Variants in RORA observed in about 807,000 individuals in gnomAD.
The protein encoded by RORA is nuclear receptor ROR-alpha.
A neutral mutation model predicts 69.5 loss-of-function variants in RORA; 7 were observed. That is an observed-to-expected ratio of 0.10 (90% CI 0.06 to 0.19). The LOEUF is 0.19. Ranked by LOEUF, RORA falls within the 10% of genes least tolerant of loss-of-function variation. The pLI, the probability that RORA is intolerant of heterozygous loss-of-function variation, is 1.00. For synonymous variants in RORA, 261 were observed against 240.8 expected (o/e 1.08, Z -0.78); for missense variants, 457 against 663.0 (o/e 0.69, Z 3.41).
chr15:60,905,967 G>C lies in RORA; in HGVS notation c.167-227281C>G, dbSNP rs1891524583. ...GAAAGCATTTATAAATATTTCAGAG[G>C]TGTTTCATAAATAAATCAGCAAATC... On this transcript the variant is annotated intron_variant, in intron 1 of 10. Transcript: ENST00000335670. The surrounding 1 kb of genome is among the most constrained non-coding windows in gnomAD (Gnocchi z 4.8). Among the ~76,000 whole-genome samples the C allele has an allele frequency of 1.3e-5, 2 of 152,076 alleles. No homozygotes were observed. Among genetic ancestry groups the C allele is most frequent in the African/African-American group, 4.8e-5 (2 of 41,384 alleles).
chr15:60,750,440 G>T (rs2071707368), intron 1 of RORA, among the ~76,000 whole-genome samples: 1 of 152,190 alleles, frequency 6.6e-6, no homozygotes, highest in Admixed American at 6.5e-5. Context: ...AGCAGAGAAA[G>T]AATCCCTTTT....
chr15:60,691,277 C>T (rs2070820053), intron 1 of RORA, among the ~76,000 whole-genome samples: 1 of 152,146 alleles, frequency 6.6e-6, no homozygotes, highest in Non-Finnish European at 1.5e-5. Flanking sequence ...TTTTGCTTTA[C>T]TTTGTATCTT....
chr15:60,790,689 C>CA (rs2072402739), intron 1 of RORA, among the ~76,000 whole-genome samples: 1 of 152,190 alleles, frequency 6.6e-6, no homozygotes, highest in South Asian at 2.1e-4. Context: ...CTTCTCCTAC[C>CA]ACAGGGGCCA....
intron 1 of RORA, among the ~76,000 whole-genome samples, chr15:60,800,706 C>T (rs1176128810): frequency 1.3e-5 from 2 of 152,144 alleles, no homozygotes; most frequent in Non-Finnish European, 2.9e-5. Context: ...CTGTCTACCC[C>T]ACACAGCATC....
rs1891516149 is a variant in RORA, at chr15:60,905,708, T to C, written c.167-227022A>G. On this transcript the variant is annotated intron_variant, in intron 1 of 10. Transcript: ENST00000335670. This position sits in a 1 kb window ranked among gnomAD's most constrained non-coding sequence, Gnocchi z 4.8. ...TAAACAGAGCACTTGTGATTGCCAT[T>C]GCTTCTGTTTAAGAGATCCAAGCAA... 6.6e-6 allele frequency among the ~76,000 whole-genome samples: 1 copy of C among 152,180 alleles called. No homozygotes were observed. Among genetic ancestry groups the C allele is most frequent in the South Asian group, 2.1e-4 (1 of 4,832 alleles).
chr15:61,080,194 C>A (rs1207228627), intron 1 of RORA, among the ~76,000 whole-genome samples: 2 of 152,188 alleles, frequency 1.3e-5, no homozygotes, highest in Non-Finnish European at 2.9e-5. Flanking sequence ...CACTTCCCTA[C>A]CTCCAAACCC....
chr15:61,029,869 A>G (rs1211591014), intron 1 of RORA, among the ~76,000 whole-genome samples: 1 of 152,116 alleles, frequency 6.6e-6, no homozygotes, highest in East Asian at 1.9e-4. Flanking sequence ...AGTGGGTGCA[A>G]TGATTCCAGA....
intron 1 of RORA, among the ~76,000 whole-genome samples, chr15:61,080,993 C>G (rs2078530804): frequency 6.6e-6 from 1 of 152,246 alleles, no homozygotes; most frequent in Non-Finnish European, 1.5e-5. Context: ...GCCTCTCCCT[C>G]TGGGTCCAGA....
intron 1 of RORA, among the ~76,000 whole-genome samples, chr15:60,942,385 G>T (rs1892727918): frequency 6.6e-6 from 1 of 152,168 alleles, no homozygotes; most frequent in African/African-American, 2.4e-5. Flanking sequence ...ATTCTGGTTT[G>T]TCAAATTGTC....
At chr15:60,753,994 G>A (rs769541536) in intron 1 of RORA, among the ~76,000 whole-genome samples, 10 of 152,174 alleles carry the variant, frequency 6.6e-5, no homozygotes, top group Non-Finnish European at 1.2e-4. Context: ...ACCCAGACCC[G>A]GAACACTGGT....
At chr15:60,952,192 CAT>C (rs1893128883) in intron 1 of RORA, among the ~76,000 whole-genome samples, 1 of 151,652 alleles carries the variant, frequency 6.6e-6, no homozygotes, top group African/African-American at 2.4e-5. Context: ...ACAAAAACCA[CAT>C]GATTATCTCA....
intron 1 of RORA, among the ~76,000 whole-genome samples, chr15:61,032,077 A>G (rs576488414): frequency 6.6e-6 from 1 of 152,332 alleles, no homozygotes; most frequent in South Asian, 2.1e-4. Context: ...GCACGTAAGC[A>G]TGTATGTCAA....
chr15:60,665,035 T>G (rs1459595282), intron 2 of RORA, among the ~76,000 whole-genome samples: 2 of 152,252 alleles, frequency 1.3e-5, no homozygotes, highest in Non-Finnish European at 2.9e-5. Flanking sequence ...TGGTTCCTGC[T>G]AAACTAAGGA....
intron 2 of RORA, among the ~76,000 whole-genome samples, chr15:60,597,442 G>A (rs1174601976): frequency 2.1e-5 from 3 of 143,760 alleles, no homozygotes; most frequent in African/African-American, 7.7e-5. Context: ...GGCCAAGAGG[G>A]ACCTCCATTC....
intron 1 of RORA, among the ~76,000 whole-genome samples, chr15:60,833,990 T>C (rs979562556): frequency 3.9e-5 from 6 of 152,232 alleles, no homozygotes; most frequent in Non-Finnish European, 8.8e-5. Context: ...GCCATGCTAA[T>C]TGTTCTTCAG....
chr15:60,566,502 C>T (rs924659566), intron 2 of RORA, among the ~76,000 whole-genome samples: 4 of 152,098 alleles, frequency 2.6e-5, no homozygotes, highest in African/African-American at 9.7e-5. Context: ...TTTAAATTTA[C>T]TGAAAGCTAG....
intron 1 of RORA, among the ~76,000 whole-genome samples, chr15:60,820,721 C>T (rs537681841): frequency 3.9e-5 from 6 of 152,282 alleles, no homozygotes; most frequent in East Asian, 3.9e-4. Context: ...ACCGTAAAAA[C>T]GGCAGATCTG....
chr15:61,093,389 C>T (rs750433908), intron 1 of RORA, among the ~76,000 whole-genome samples: 1 of 152,138 alleles, frequency 6.6e-6, no homozygotes, highest in South Asian at 2.1e-4. Flanking sequence ...CCAAGGGCAC[C>T]AGCCAAACAA....
At chr15:61,144,285 C>T (rs1282036741) in intron 1 of RORA, among the ~76,000 whole-genome samples, 2 of 152,188 alleles carry the variant, frequency 1.3e-5, no homozygotes, top group Admixed American at 6.5e-5. Flanking sequence ...ACGGGCAGCT[C>T]GAGCTGCGAT....
Sources: allele counts gnomAD v4.1 joint callset (sites outside exome capture counted in the v4.1 genomes callset), GRCh38; gene constraint gnomAD v4.1.1; non-coding constraint Gnocchi (gnomAD v3.1); transcripts MANE v1.5; gene names NCBI Gene and HGNC (gene_info 2026-07-23, HGNC 2026-07-21).